The following NUDT5 variants were observed in gnomAD, a reference collection of about 807,000 sequenced individuals.
NUDT5 encodes nudix hydrolase 5.
Under a neutral mutation model 34.1 loss-of-function variants are expected in NUDT5, and 21 were observed. That is an observed-to-expected ratio of 0.62 (90% CI 0.44 to 0.89). The LOEUF is 0.89. NUDT5 is among the 40% of genes least tolerant of loss of function. The pLI, the probability that NUDT5 is intolerant of heterozygous loss-of-function variation, is 0.00. For missense variants in NUDT5, 249 were observed against 274.8 expected, an observed-to-expected ratio of 0.91 and a Z score of 0.66; for synonymous variants, 85 against 97.6, an observed-to-expected ratio of 0.87 and a Z score of 0.76.
intron 6 of NUDT5, 57 bp from the exon 7 acceptor site, chr10:12,172,923 G>A (rs1834883980): frequency 7.8e-7 from 1 of 1,283,302 alleles, no homozygotes; most frequent in Non-Finnish European, 1.1e-6. Flanking sequence ...GTTTCACTAT[G>A]GTCTTAGGAA....
intron 1 of NUDT5, among the ~76,000 whole-genome samples, chr10:12,191,610 C>CA (rs926519238): frequency 3.3e-5 from 5 of 152,162 alleles, no homozygotes; most frequent in Admixed American, 3.3e-4. Context: ...GGGCCAGTGC[C>CA]ATGCACTGCA....
intron 5 of NUDT5, among the ~76,000 whole-genome samples, chr10:12,174,110 C>T: frequency 6.6e-6 from 1 of 152,098 alleles, no homozygotes; most frequent in Admixed American, 6.5e-5. Context: ...TCATGATCCA[C>T]CCACGTCAGC....
intron 1 of NUDT5, among the ~76,000 whole-genome samples, chr10:12,193,297 T>C (rs1564428795): frequency 2.0e-5 from 3 of 152,106 alleles, no homozygotes; most frequent in East Asian, 1.9e-4. Context: ...CTGTACACGC[T>C]TGTTTGAGGT....
Position 12,186,286 on chromosome 10 carries a change from C to G in NUDT5, c.6G>C (p.Glu2Asp), listed in dbSNP as rs1267320043. 6.2e-7 allele frequency: 1 copy of G among 1,612,918 alleles called. No homozygotes were observed. Among genetic ancestry groups the G allele is most frequent in the Non-Finnish European group, 8.5e-7 (1 of 1,178,966 alleles). Residue 2 changes from glutamate (E) to aspartate (D), a missense_variant, in exon 2 of 10, where the codon GAG becomes GAC. Physicochemically the swap from Glu to Asp is conservative, Grantham distance 45. Coordinates refer to ENST00000491614, the MANE Select transcript of NUDT5 (RefSeq NM_014142.4). ...GAGAAGATTCCGTTGGTTCTTGGCT[C>G]TCCATTTTCAAACGAGTCTTTACAG... M[E>D]SQEPTESSQN...
chr10:12,171,122 T>C lies in NUDT5; in HGVS notation c.488-214A>G, dbSNP rs78666292. 3.5e-3 allele frequency among the ~76,000 whole-genome samples: 536 copies of C among 152,362 alleles called. 4 individuals are homozygous for C. Among genetic ancestry groups the C allele is most frequent in the African/African-American group, 0.012 (479 of 41,580 alleles). On this transcript the variant is annotated intron_variant, in intron 7 of 9. Coordinates refer to ENST00000491614, the MANE Select transcript of NUDT5 (RefSeq NM_014142.4). This position sits in a 1 kb window ranked among gnomAD's most constrained non-coding sequence, Gnocchi z 4.2. ...AAAATTTAAAGCATATTCGATAGTA[T>C]GTATATTTTTATAGATATGAATCTG...
rs550050242 is a variant in NUDT5, at chr10:12,181,020, T to C, written c.132-1888A>G. 1.3e-5 allele frequency among the ~76,000 whole-genome samples: 2 copies of C among 152,322 alleles called. No individual in the cohort carries two copies. Among genetic ancestry groups the C allele is most frequent in the African/African-American group, 4.8e-5 (2 of 41,566 alleles). On this transcript the variant is annotated intron_variant, in intron 3 of 9. Coordinates refer to ENST00000491614, the MANE Select transcript of NUDT5 (RefSeq NM_014142.4). This position sits in a 1 kb window ranked among gnomAD's most constrained non-coding sequence, Gnocchi z 5.0. Reference sequence around the variant, plus strand: ...ATGAATGAGACGGTGGAACATAGGATTCTCTAGCTGCTATTTTATCTCTTA... The same window carrying C: ...ATGAATGAGACGGTGGAACATAGGACTCTCTAGCTGCTATTTTATCTCTTA...
intron 7 of NUDT5, 150 bp downstream of exon 7, chr10:12,172,615 A>G (rs2131701028): frequency 4.9e-6 from 3 of 616,462 alleles, no homozygotes; most frequent in South Asian, 4.0e-5. Context: ...ATACATGATT[A>G]GGAAGAGAGA....
intron 1 of NUDT5, among the ~76,000 whole-genome samples, chr10:12,190,339 A>G (rs1221179393): frequency 6.6e-6 from 1 of 152,176 alleles, no homozygotes; most frequent in Non-Finnish European, 1.5e-5. Context: ...AAAAAACACT[A>G]GTGAGGGGAA....
At position 12,173,606 on chromosome 10, in the gene NUDT5, A is replaced by C; in HGVS notation, c.385+112T>G. 1.1e-6 allele frequency: 1 copy of C among 875,466 alleles called. No homozygotes were observed. Among genetic ancestry groups the C allele is most frequent in the Non-Finnish European group, 1.9e-6 (1 of 522,770 alleles). The allele number at this position is 875,466 out of a possible 1,614,324, so 54.2% of individuals were successfully genotyped here. On this transcript the variant is annotated intron_variant, in intron 6 of 9. Coordinates refer to ENST00000491614, the MANE Select transcript of NUDT5 (RefSeq NM_014142.4). This position sits in a 1 kb window ranked among gnomAD's most constrained non-coding sequence, Gnocchi z 4.7. The stretch of plus-strand genomic sequence containing the variant: ...CCCTTACACTTGGTGACCAGTCCTA[A>C]TCTGTGATTTCTTTCTCTTCAGTGA...
intron 1 of NUDT5, among the ~76,000 whole-genome samples, chr10:12,191,872 T>G (rs1424567383): frequency 6.6e-6 from 1 of 152,122 alleles, no homozygotes; most frequent in African/African-American, 2.4e-5. Context: ...AAGTGGGAGT[T>G]TAGATTCCAG....
intron 5 of NUDT5, among the ~76,000 whole-genome samples, chr10:12,174,516 A>G (rs1011623483): frequency 3.3e-5 from 5 of 151,700 alleles, no homozygotes; most frequent in Admixed American, 1.3e-4. Context: ...GCCTCAAGTG[A>G]TTCACCCGCC....
rs1228854836 is a variant in NUDT5, at chr10:12,182,088, C to T, written c.131+2801G>A. Among the ~76,000 whole-genome samples the T allele has an allele frequency of 6.6e-5, 10 of 151,236 alleles. No individual in the cohort carries two copies. ...AGGTTGCAGTGAGCTGAGACCACAC[C>T]ATTGCACTCTAGCCTGGGCAACAGA... On this transcript the variant is annotated intron_variant, in intron 3 of 9. Coordinates refer to ENST00000491614, the MANE Select transcript of NUDT5 (RefSeq NM_014142.4). This position sits in a 1 kb window ranked among gnomAD's most constrained non-coding sequence, Gnocchi z 4.3.
intron 3 of NUDT5, among the ~76,000 whole-genome samples, chr10:12,183,591 A>G (rs1835078839): frequency 6.6e-6 from 1 of 152,244 alleles, no homozygotes; most frequent in Admixed American, 6.5e-5. Flanking sequence ...TCTGGTTACT[A>G]AATTTCATCC....
At chr10:12,172,489 G>C (rs977460134) in intron 7 of NUDT5, 1 of 467,502 alleles carries the variant, frequency 2.1e-6, no homozygotes, top group Non-Finnish European at 3.9e-6. Context: ...TAAGCCTGCA[G>C]CTCATATTAC....
rs1834681205 is a variant in NUDT5, at chr10:12,166,141, G to T, written c.*1561C>A. 6.6e-6 allele frequency: 1 copy of T among 151,276 alleles called. No individual in the cohort carries two copies. The highest frequency in any genetic ancestry group is 6.6e-5 in the Admixed American group (1 of 15,256). The allele number at this position is 151,276 out of a possible 1,614,324, so 9.4% of individuals were successfully genotyped here. A position where few individuals can be genotyped will look rare whatever the true frequency, so the allele number is the denominator to read the frequency against. ...GACTTCTAAGTTGCACTCTTAGGAA[G>T]AAGGAGAGGATAAGCTTAGGTCAGC... On this transcript the variant is annotated 3_prime_UTR_variant, in exon 10 of 10. Transcript: ENST00000491614.
In NUDT5 at chr10:12,176,836, C is replaced by A. The variant is rs551883521; in HGVS notation, c.289+957G>T. Among the ~76,000 whole-genome samples the A allele has an allele frequency of 2.0e-3, 308 of 152,076 alleles. 1 individual carries two copies. The highest frequency in any genetic ancestry group is 6.8e-3 in the Middle Eastern group (2 of 292). ...ACATTTCTTGGAGTTAAGAGCCTGG[C>A]CTAGGCTGGGCGTGGTGGCTCACAC... On this transcript the variant is annotated intron_variant, in intron 5 of 9. Transcript: ENST00000491614.
At chr10:12,179,203 A>G (rs1000222692) in intron 3 of NUDT5, 71 bp from the exon 4 acceptor site, 1 of 1,285,956 alleles carries the variant, frequency 7.8e-7, no homozygotes, top group African/African-American at 1.5e-5. Context: ...TTCTCTGTAC[A>G]ACCAGAACTT....
At chr10:12,183,371 T>C (rs1164975897) in intron 3 of NUDT5, among the ~76,000 whole-genome samples, 2 of 152,252 alleles carry the variant, frequency 1.3e-5, no homozygotes, top group Non-Finnish European at 2.9e-5. Context: ...AGCAGTGCTA[T>C]CTATCTCTTA....
chr10:12,186,613 T>G (rs1430544897), intron 1 of NUDT5, among the ~76,000 whole-genome samples: 1 of 102,892 alleles, frequency 9.7e-6, no homozygotes, highest in Non-Finnish European at 2.0e-5. Context: ...CTTCATCAGA[T>G]TTTTCTTTTT....
Sources: allele counts gnomAD v4.1 joint callset (sites outside exome capture counted in the v4.1 genomes callset), GRCh38; gene constraint gnomAD v4.1.1; non-coding constraint Gnocchi (gnomAD v3.1); transcripts MANE v1.5; gene names NCBI Gene and HGNC (gene_info 2026-07-23, HGNC 2026-07-21).